The following PEX14 variants were observed in gnomAD, a reference collection of about 807,000 sequenced individuals.
The protein encoded by PEX14 is peroxisomal membrane protein PEX14.
A neutral mutation model predicts 49.5 loss-of-function variants in PEX14; 15 were observed. That is an observed-to-expected ratio of 0.30 (90% confidence interval 0.20 to 0.47). The LOEUF (loss-of-function observed/expected upper bound fraction) is 0.47, where lower values mean the gene tolerates loss of function less well. Among genes scored for constraint, PEX14 ranks in the 20% least tolerant of loss-of-function variants. The pLI, the probability that PEX14 is intolerant of heterozygous loss-of-function variation, is 1.00. For synonymous variants in PEX14, 210 were observed against 212.7 expected (o/e 0.99, Z 0.11); for missense variants, 398 against 494.8 (o/e 0.80, Z 1.86).
chr1:10,550,728 C>G (rs1639310432), intron 3 of PEX14, among the ~76,000 whole-genome samples: 1 of 152,154 alleles, frequency 6.6e-6, no homozygotes, highest in African/African-American at 2.4e-5. Context: ...TATGGAAGCC[C>G]ACCCAATTTG....
intron 3 of PEX14, among the ~76,000 whole-genome samples, chr1:10,557,954 T>C (rs1254836561): frequency 1.3e-5 from 2 of 152,182 alleles, no homozygotes; most frequent in African/African-American, 2.4e-5. Context: ...CTCAGCACCA[T>C]TTATAGAACG....
chr1:10,542,421 T>C (rs537023786), intron 3 of PEX14, among the ~76,000 whole-genome samples: 1 of 152,352 alleles, frequency 6.6e-6, no homozygotes, highest in African/African-American at 2.4e-5. Flanking sequence ...CTTCATTCTT[T>C]TCAGTGGCTG....
rs904405732 is a variant in PEX14 at position 10,529,778 on chromosome 1, C to T, written c.85-6435C>T. 6.6e-5 allele frequency among the ~76,000 whole-genome samples: 10 copies of T among 152,188 alleles called. No individual in the cohort carries two copies. Among genetic ancestry groups the T allele is most frequent in the Admixed American group, 6.5e-4 (10 of 15,278 alleles). Reference sequence around the variant, plus strand: ...CTGTTCTATCATGTCAACTCCTGTGCACTTCTACCAGCGGAATTTTATTTC... The same window carrying T: ...CTGTTCTATCATGTCAACTCCTGTGTACTTCTACCAGCGGAATTTTATTTC... On this transcript the variant is annotated intron_variant, in intron 2 of 8. Coordinates refer to ENST00000356607, the MANE Select transcript of PEX14 (RefSeq NM_004565.3). This position sits in a 1 kb window ranked among gnomAD's most constrained non-coding sequence, Gnocchi z 4.2.
Position 10,554,133 on chromosome 1 carries a change from CAAAAAAAA to C in PEX14, c.169+17850_169+17857del, listed in dbSNP as rs33963510. Among the ~76,000 whole-genome samples, 15 of 111,062 alleles carry C rather than the reference CAAAAAAAA, an allele frequency of 1.4e-4. No individual in the cohort carries two copies. The South Asian group carries it at 3.8e-3, about 28-fold the overall frequency. 72.9% of individuals were successfully genotyped at this position (111,062 alleles called of 152,430 possible). A position where few individuals can be genotyped will look rare whatever the true frequency, so the allele number is the denominator to read the frequency against. ...TGAAACCCCGTCTCTACTAAAAATACAAAAAAAAAAAAAAAAAAAAATTAGCCGGGCAT... is the reference window on the plus strand; with the variant it reads ...TGAAACCCCGTCTCTACTAAAAATACAAAAAAAAAAAAATTAGCCGGGCAT... On this transcript the variant is annotated intron_variant, in intron 3 of 8. Coordinates refer to ENST00000356607, the MANE Select transcript of PEX14 (RefSeq NM_004565.3).
Position 10,624,356 on chromosome 1 carries a change from G to A in PEX14, c.504G>A (p.Thr168=), listed in dbSNP as rs146781531. ...TCCTCGCAGTGACTCAGTTACAGACGACCCTCGCCTCCGTCCAGGAGCTGC... is the reference window on the plus strand; with the variant it reads ...TCCTCGCAGTGACTCAGTTACAGACAACCCTCGCCTCCGTCCAGGAGCTGC... ...SVAQTVTQLQ[T]TLASVQELLI... The change falls in exon 7 of 9, where the codon ACG becomes ACA. Residue 168 remains threonine, a synonymous_variant. Transcript: ENST00000356607. 1,515 of 1,612,784 alleles carry A rather than the reference G, an allele frequency of 9.4e-4. 12 individuals carry two copies. The African/African-American group carries it at 0.018, about 19-fold the overall frequency.
chr1:10,550,765 G>A (rs1488754383), intron 3 of PEX14, among the ~76,000 whole-genome samples: 1 of 152,226 alleles, frequency 6.6e-6, no homozygotes, highest in African/African-American at 2.4e-5. Flanking sequence ...TCATCACTGA[G>A]TTGAATTTCA....
chr1:10,521,873 C>T (rs1638304211), intron 2 of PEX14, among the ~76,000 whole-genome samples: 1 of 152,170 alleles, frequency 6.6e-6, no homozygotes, highest in African/African-American at 2.4e-5. Flanking sequence ...GGATGCTGAA[C>T]CACTTGTGGG....
chr1:10,577,143 C>T (rs2124560599), intron 3 of PEX14, among the ~76,000 whole-genome samples: 1 of 151,176 alleles, frequency 6.6e-6, no homozygotes, highest in Non-Finnish European at 1.5e-5. Context: ...CGCAGTGGCT[C>T]ACGCCTGTAA....
Position 10,629,136 on chromosome 1 carries a change from C to A in PEX14, c.678-395C>A, listed in dbSNP as rs1334426711. ...AGGTGTCTGGAGTCCCCAGTCATAG[C>A]CCTTTTGGACTCCTCACCAACCTGT... is the stretch of plus-strand genomic sequence containing the variant. On this transcript the variant is annotated intron_variant, in intron 8 of 8. Transcript: ENST00000356607. The surrounding 1 kb of genome is among the most constrained non-coding windows in gnomAD (Gnocchi z 8.5). 6.6e-6 allele frequency among the ~76,000 whole-genome samples: 1 copy of A among 152,208 alleles called. No homozygotes were observed. The highest frequency in any genetic ancestry group is 1.9e-4 in the East Asian group (1 of 5,190).
At chr1:10,575,038 A>G (rs1640081356) in intron 3 of PEX14, among the ~76,000 whole-genome samples, 1 of 151,308 alleles carries the variant, frequency 6.6e-6, no homozygotes, top group Non-Finnish European at 1.5e-5. Flanking sequence ...CTTGAGCTGC[A>G]CTCCTAGACA....
chr1:10,618,304 C>T, intron 4 of PEX14, 28 bp from the exon 5 acceptor site: 1 of 1,600,602 alleles, frequency 6.2e-7, no homozygotes, highest in South Asian at 1.1e-5. Context: ...TGTGCGTCTT[C>T]TAACCCTCCT....
At chr1:10,501,071 A>T (rs757265995) in intron 2 of PEX14, among the ~76,000 whole-genome samples, 1 of 152,228 alleles carries the variant, frequency 6.6e-6, no homozygotes, top group Non-Finnish European at 1.5e-5. Flanking sequence ...GATTTCAGGA[A>T]CTTGTCATTT....
intron 3 of PEX14, among the ~76,000 whole-genome samples, chr1:10,558,652 A>T (rs1358662419): frequency 6.6e-6 from 1 of 150,718 alleles, no homozygotes; most frequent in Non-Finnish European, 1.5e-5. Context: ...CAGGAGAATC[A>T]CTTGAGCCTG....
At chr1:10,588,489 G>A (rs1570314150) in intron 3 of PEX14, among the ~76,000 whole-genome samples, 1 of 152,124 alleles carries the variant, frequency 6.6e-6, no homozygotes, top group Admixed American at 6.5e-5. Flanking sequence ...TCAGGTACCC[G>A]AGGCCAACCA....
intron 1 of PEX14, among the ~76,000 whole-genome samples, chr1:10,488,649 G>A (rs1208913168): frequency 6.6e-6 from 1 of 151,460 alleles, no homozygotes; most frequent in Non-Finnish European, 1.5e-5. Context: ...ACAGGTGCCC[G>A]CCACCATGCC....
rs116161042 is a variant in PEX14, at chr1:10,494,082, C to T, written c.37-1192C>T. Among the ~76,000 whole-genome samples the T allele has an allele frequency of 6.6e-6, 1 of 152,196 alleles. No homozygotes were observed. Among genetic ancestry groups the T allele is most frequent in the Non-Finnish European group, 1.5e-5 (1 of 68,044 alleles). ...TGAGACGGACCCTCACTTTCTAGAT[C>T]GTTTCCTGCTGGCTGACCTCTTGTC... On this transcript the variant is annotated intron_variant, in intron 1 of 8. Coordinates refer to ENST00000356607, the MANE Select transcript of PEX14 (RefSeq NM_004565.3). The surrounding 1 kb of genome is among the most constrained non-coding windows in gnomAD (Gnocchi z 4.3).
intron 2 of PEX14, among the ~76,000 whole-genome samples, chr1:10,520,369 G>C (rs1346974942): frequency 6.6e-6 from 1 of 151,804 alleles, no homozygotes; most frequent in Non-Finnish European, 1.5e-5. Flanking sequence ...GTGTTGTCTA[G>C]GCTGGTCTCA....
At chr1:10,548,580 G>A (rs992542267) in intron 3 of PEX14, among the ~76,000 whole-genome samples, 6 of 152,138 alleles carry the variant, frequency 3.9e-5, no homozygotes, top group Admixed American at 2.0e-4. Context: ...TCTGTTGGGG[G>A]GTGGTGTATG....
At chr1:10,527,515 CAAAAAAAA>C (rs1032596691) in intron 2 of PEX14, among the ~76,000 whole-genome samples, 1 of 89,140 alleles carries the variant, frequency 1.1e-5, no homozygotes, top group African/African-American at 5.1e-5. Context: ...GACTCTGTCT[CAAAAAAAA>C]AAAAAAAGAA....
Sources: gnomAD v4.1 joint callset for allele counts (sites outside exome capture counted in the v4.1 genomes callset) on GRCh38, gnomAD v4.1.1 for gene constraint, Gnocchi (gnomAD v3.1) non-coding constraint, MANE v1.5 for transcripts, NCBI Gene and HGNC (gene_info 2026-07-23, HGNC 2026-07-21) for gene names.